Variants in KCNG3 observed in about 807,000 individuals in gnomAD.
KCNG3 encodes the protein potassium voltage-gated channel modifier subfamily G member 3, also known as voltage-gated potassium channel regulatory subunit KCNG3.
Under a neutral mutation model 29.0 loss-of-function variants are expected in KCNG3, and 15 were observed. The ratio of observed to expected loss-of-function variants is 0.52; its 90% CI spans 0.35 to 0.80. The LOEUF is 0.80. Ranked by LOEUF, KCNG3 falls within the 30% of genes least tolerant of loss-of-function variation. KCNG3 has a pLI of 0.01. For missense variants in KCNG3, 512 were observed against 605.7 expected, an observed-to-expected ratio of 0.85 and a Z score of 1.62; for synonymous variants, 322 against 248.9, an observed-to-expected ratio of 1.29 and a Z score of -2.76.
chr2:42,391,545 A>G, the KCNG3 span, among the ~76,000 whole-genome samples: 159 of 151,708 alleles, frequency 1.0e-3, no homozygotes, highest in African/African-American at 3.8e-3. Context: ...TCAATAATCA[A>G]GAGTAGATGT....
chr2:42,446,038 T>TTCTTGAAGA (rs1336482822), intron 1 of KCNG3, among the ~76,000 whole-genome samples: 2 of 151,480 alleles, frequency 1.3e-5, no homozygotes, highest in Non-Finnish European at 2.9e-5. Flanking sequence ...ACGGGTAGGA[T>TTCTTGAAGA]TCTTGAAGAA....
chr2:42,395,199 G>C, the KCNG3 span, among the ~76,000 whole-genome samples: 1 of 152,222 alleles, frequency 6.6e-6, no homozygotes, highest in East Asian at 1.9e-4. Context: ...ATGAACTGGA[G>C]AGGAGACAAC....
downstream of KCNG3, chr2:42,441,998 G>A (rs553691868): frequency 2.0e-5 from 3 of 151,782 alleles, no homozygotes; most frequent in Non-Finnish European, 2.9e-5. Flanking sequence ...CACATAAAGC[G>A]GTCCCAGTAC....
At chr2:42,405,150 A>T in the KCNG3 span, among the ~76,000 whole-genome samples, 2 of 152,244 alleles carry the variant, frequency 1.3e-5, no homozygotes, top group Non-Finnish European at 1.5e-5. Context: ...AAGGAGATGG[A>T]AATAACTATC....
intron 1 of KCNG3, among the ~76,000 whole-genome samples, chr2:42,477,684 G>C (rs572152005): frequency 2.0e-5 from 3 of 151,938 alleles, no homozygotes; most frequent in South Asian, 2.1e-4. Flanking sequence ...TTCGAGACTA[G>C]CCTGGCCAGC....
intron 1 of KCNG3, among the ~76,000 whole-genome samples, chr2:42,478,288 T>A (rs1673492415): frequency 6.6e-6 from 1 of 152,146 alleles, no homozygotes; most frequent in African/African-American, 2.4e-5. Flanking sequence ...CAGGTTGGAG[T>A]GCAATGGCAC....
At chr2:42,457,669 A>ACACACACACACACACAC (rs1553327832) in intron 1 of KCNG3, among the ~76,000 whole-genome samples, 2 of 144,486 alleles carry the variant, frequency 1.4e-5, no homozygotes, top group African/African-American at 2.6e-5. Context: ...ACACACACAC[A>ACACACACACACACACAC]AGGCTGGGCG....
intron 1 of KCNG3, among the ~76,000 whole-genome samples, chr2:42,448,402 A>T (rs1672658682): frequency 6.6e-6 from 1 of 151,262 alleles, no homozygotes; most frequent in Admixed American, 6.6e-5. Context: ...ATGGCATGCA[A>T]CCTAAGAATG....
At chr2:42,430,363 AAAATAAATAAATAAATAAATAAAT>A in the KCNG3 span, among the ~76,000 whole-genome samples, 9 of 140,118 alleles carry the variant, frequency 6.4e-5, no homozygotes, top group African/African-American at 1.1e-4. Context: ...GACTGTCTTA[AAAATAAATAAATAAATAAATAAAT>A]AAATAAATAA....
At chr2:42,482,414 C>T (rs970082411) in intron 1 of KCNG3, among the ~76,000 whole-genome samples, 13 of 152,056 alleles carry the variant, frequency 8.5e-5, no homozygotes, top group South Asian at 2.1e-4. Context: ...TCTGTCTCTA[C>T]AAAAAATTTA....
At chr2:42,436,803 A>G in the KCNG3 span, among the ~76,000 whole-genome samples, 7 of 152,248 alleles carry the variant, frequency 4.6e-5, no homozygotes, top group African/African-American at 1.7e-4. Context: ...TAGGTCAAAC[A>G]TTGTAATTCC....
chr2:42,401,453 A>G, the KCNG3 span, among the ~76,000 whole-genome samples: 1 of 151,408 alleles, frequency 6.6e-6, no homozygotes, highest in African/African-American at 2.4e-5. Flanking sequence ...ACATATATGT[A>G]TTTTTGGAGA....
At chr2:42,414,688 C>T in the KCNG3 span, among the ~76,000 whole-genome samples, 1 of 151,772 alleles carries the variant, frequency 6.6e-6, no homozygotes, top group Non-Finnish European at 1.5e-5. Context: ...TCTATTATTT[C>T]CTTCTAGGAA....
intron 1 of KCNG3, among the ~76,000 whole-genome samples, chr2:42,473,555 G>A (rs1673345219): frequency 6.6e-6 from 1 of 151,408 alleles, no homozygotes; most frequent in African/African-American, 2.4e-5. Flanking sequence ...TCACCATGTT[G>A]GCCAGGCTGG....
Position 42,493,186 on chromosome 2 carries a change from C to CGCCCTCCAG in KCNG3, c.307_315dup (p.Leu103_Gly105dup). 1 of 1,609,672 alleles carries CGCCCTCCAG rather than the reference C, an allele frequency of 6.2e-7. No homozygotes were observed. Among genetic ancestry groups the CGCCCTCCAG allele is most frequent in the Non-Finnish European group, 8.5e-7 (1 of 1,179,812 alleles). On this transcript the variant is annotated inframe_insertion, in exon 1 of 2. Coordinates refer to ENST00000306078, the MANE Select transcript of KCNG3 (RefSeq NM_133329.6). ...CGCTGGCAGCAGTACTCGAGGTGCG[C>CGCCCTCCAG]GCCCTCCAGGCCCCAGTAGATCATC...
chr2:42,485,827 A>G (rs1447608264), intron 1 of KCNG3, among the ~76,000 whole-genome samples: 1 of 152,238 alleles, frequency 6.6e-6, no homozygotes, highest in East Asian at 1.9e-4. Flanking sequence ...GAAGTGTCAG[A>G]ATAATACTCA....
chr2:42,417,514 G>T, the KCNG3 span, among the ~76,000 whole-genome samples: 1 of 152,002 alleles, frequency 6.6e-6, no homozygotes, highest in South Asian at 2.1e-4. Context: ...AGAGACAGGG[G>T]TTTCACTATG....
In KCNG3 at chr2:42,493,564, C is replaced by CACG; in HGVS notation, c.-66_-64dup. On this transcript the variant is annotated 5_prime_UTR_variant, in exon 1 of 2. Transcript: ENST00000306078. Reference sequence around the variant, plus strand: ...GCTGCAGCCCCCCACCCCAAGCCGCCACGCGGGGCCTGCCTGCCCGTGGCT... The same window carrying CACG: ...GCTGCAGCCCCCCACCCCAAGCCGCCACGACGCGGGGCCTGCCTGCCCGTGGCT... 7.9e-7 allele frequency: 1 copy of CACG among 1,265,960 alleles called. No homozygotes were observed. The highest frequency in any genetic ancestry group is 9.9e-7 in the Non-Finnish European group (1 of 1,008,408). 78.4% of individuals were successfully genotyped at this position (1,265,960 alleles called of 1,614,324 possible).
chr2:42,478,570 T>C (rs1673499407), intron 1 of KCNG3, among the ~76,000 whole-genome samples: 3 of 151,770 alleles, frequency 2.0e-5, no homozygotes. Context: ...AAAAAAAAAA[T>C]TGAGTACATG....
Sources: allele counts gnomAD v4.1 joint callset (sites outside exome capture counted in the v4.1 genomes callset), GRCh38; gene constraint gnomAD v4.1.1; transcripts MANE v1.5; gene names NCBI Gene and HGNC (gene_info 2026-07-23, HGNC 2026-07-21).